The following LRP2 variants were observed in gnomAD, a reference collection of about 807,000 sequenced individuals.
LRP2 encodes LDL receptor related protein 2, also known as low-density lipoprotein receptor-related protein 2.
Under a neutral mutation model 531.0 loss-of-function variants are expected in LRP2, and 172 were observed. The observed-to-expected ratio is 0.32, with a 90% CI of 0.29 to 0.37. The LOEUF (loss-of-function observed/expected upper bound fraction) is 0.37. Among genes scored for constraint, LRP2 ranks in the 10% least tolerant of loss-of-function variants. The pLI is 1.00. For missense variants in LRP2, 5,167 were observed against 5,868.3 expected, an observed-to-expected ratio of 0.88 and a Z score of 3.90; for synonymous variants, 1,992 against 2,027.6, an observed-to-expected ratio of 0.98 and a Z score of 0.47.
At chr2:169,193,346 G>A (rs1316141742) in intron 47 of LRP2, among the ~76,000 whole-genome samples, 1 of 150,458 alleles carries the variant, frequency 6.6e-6, no homozygotes, top group African/African-American at 2.5e-5. Flanking sequence ...TGGGAGGATC[G>A]CTTGAGCCTG....
chr2:169,188,388 C>A, intron 48 of LRP2, 123 bp from the exon 49 acceptor site: 1 of 891,302 alleles, frequency 1.1e-6, no homozygotes, highest in Non-Finnish European at 1.8e-6. Context: ...TCGACAAGAT[C>A]ACCAGTGTCC....
At chr2:169,243,150 G>A (rs1251183352) in intron 23 of LRP2, 78 bp from the exon 24 acceptor site, 3 of 1,226,266 alleles carry the variant, frequency 2.4e-6, no homozygotes, top group African/African-American at 3.0e-5. Flanking sequence ...CTTTTTTGTT[G>A]TTATACTTTA....
At chr2:169,229,320 T>C (rs1689315683) in intron 31 of LRP2, among the ~76,000 whole-genome samples, 2 of 152,298 alleles carry the variant, frequency 1.3e-5, no homozygotes, top group Middle Eastern at 6.8e-3. Flanking sequence ...GAAGACACTA[T>C]AGTCAGGAAT....
At chr2:169,156,927 A>C (rs1686352761) in intron 64 of LRP2, among the ~76,000 whole-genome samples, 1 of 152,198 alleles carries the variant, frequency 6.6e-6, no homozygotes, top group Non-Finnish European at 1.5e-5. Flanking sequence ...CATGCTCATC[A>C]CTCACCATCT....
rs1465445341 is a variant in LRP2 at position 169,206,770 on chromosome 2, C to G, written c.6950G>C (p.Arg2317Thr). Residue 2317 changes from arginine (R) to threonine (T), a missense_variant, in exon 39 of 79, where the codon AGA (arginine) becomes ACA (threonine). Arg to Thr is a moderately conservative substitution (Grantham distance 71, BLOSUM62 -1). Transcript: ENST00000649046. The stretch of plus-strand genomic sequence containing the variant: ...ATCTCTTAGCCAGTTGATATTGTCT[C>G]TTATCACTGTGGGTGGCTCTGTGTT... ...PENTEPPTVI[R>T]DNINWLRDVT... The G allele has an allele frequency of 2.5e-6, 4 of 1,614,168 alleles. No homozygotes were observed. The highest frequency in any genetic ancestry group is 3.4e-6 in the Non-Finnish European group (4 of 1,180,012).
chr2:169,225,102 A>G (rs1689152680), intron 33 of LRP2, among the ~76,000 whole-genome samples: 1 of 151,970 alleles, frequency 6.6e-6, no homozygotes, highest in Non-Finnish European at 1.5e-5. Flanking sequence ...AAAAAAAATA[A>G]ATAAATAAAT....
Position 169,284,256 on chromosome 2 carries a change from C to CTCTTTTTTTTTT in LRP2, c.1043-1256_1043-1255insAAAAAAAAAAGA, listed in dbSNP as rs1553508684. ...CTTTTCTTTTCTTTTTCTTTTTTTT[C>CTCTTTTTTTTTT]TTTTTTTTTTTTTTTTTTTTTTTTT... On this transcript the variant is annotated intron_variant, in intron 9 of 78. Transcript: ENST00000649046. 4.6e-4 allele frequency among the ~76,000 whole-genome samples: 44 copies of CTCTTTTTTTTTT among 96,648 alleles called. 5 individuals are homozygous for CTCTTTTTTTTTT. Among genetic ancestry groups the CTCTTTTTTTTTT allele is most frequent in the African/African-American group, 5.3e-4 (12 of 22,710 alleles). The allele number at this position is 96,648 out of a possible 152,430, so 63.4% of individuals were successfully genotyped here.
At chr2:169,178,615 G>T (rs963020909) in intron 52 of LRP2, among the ~76,000 whole-genome samples, 2 of 152,122 alleles carry the variant, frequency 1.3e-5, no homozygotes, top group Admixed American at 6.5e-5. Context: ...CACCATTAGC[G>T]AATACTTTTA....
chr2:169,229,768 G>A (rs892089726), intron 31 of LRP2, among the ~76,000 whole-genome samples: 10 of 152,132 alleles, frequency 6.6e-5, no homozygotes, highest in Non-Finnish European at 1.5e-4. Context: ...TTTAATGCAT[G>A]TTTTTACAAG....
intron 4 of LRP2, among the ~76,000 whole-genome samples, chr2:169,299,123 G>T (rs4000804): frequency 1.1e-5 from 1 of 88,016 alleles, no homozygotes; most frequent in African/African-American, 4.4e-5. Flanking sequence ...AAGAAAGAAA[G>T]AAAGAAAGAA....
chr2:169,177,843 T>C lies in LRP2; in HGVS notation c.10353A>G (p.Pro3451=). 2.5e-6 allele frequency: 4 copies of C among 1,614,224 alleles called. No homozygotes were observed. The highest frequency in any genetic ancestry group is 2.5e-6 in the Non-Finnish European group (3 of 1,180,034). ...RQTLVNTTHR[P]FDIHVYHPYR... Reference sequence around the variant, plus strand: ...ATGGATGGTACACATGGATGTCAAATGGTCTGTGTGTTGTGTTCACCAGTG... The same window carrying C: ...ATGGATGGTACACATGGATGTCAAACGGTCTGTGTGTTGTGTTCACCAGTG... Residue 3451 remains proline (P), a synonymous_variant, in exon 53 of 79, where the codon CCA becomes CCG. Transcript: ENST00000649046.
chr2:169,193,383 A>G (rs1266204332), intron 47 of LRP2, among the ~76,000 whole-genome samples: 1 of 150,396 alleles, frequency 6.6e-6, no homozygotes, highest in African/African-American at 2.5e-5. Flanking sequence ...CTGAGCCATG[A>G]TACCGCCACT....
intron 19 of LRP2, among the ~76,000 whole-genome samples, chr2:169,255,629 GTCAT>G (rs945857962): frequency 1.3e-5 from 2 of 152,138 alleles, no homozygotes; most frequent in African/African-American, 4.8e-5. Flanking sequence ...AAGTTTCAAA[GTCAT>G]TCAGTCAGCA....
chr2:169,234,628 G>A (rs761598471), intron 29 of LRP2, among the ~76,000 whole-genome samples: 3 of 152,038 alleles, frequency 2.0e-5, no homozygotes, highest in Non-Finnish European at 2.9e-5. Context: ...ATATTCCTTT[G>A]GGTATATACC....
intron 1 of LRP2, among the ~76,000 whole-genome samples, chr2:169,361,376 C>CTGT (rs1559092846): frequency 1.7e-5 from 1 of 59,650 alleles, no homozygotes; most frequent in Non-Finnish European, 3.0e-5. Flanking sequence ...CTCTCTCTCT[C>CTGT]CCTCTCTCTC....
At chr2:169,194,341 T>G (rs997931197) in intron 46 of LRP2, among the ~76,000 whole-genome samples, 2 of 152,190 alleles carry the variant, frequency 1.3e-5, no homozygotes, top group African/African-American at 4.8e-5. Flanking sequence ...TTCAACATAC[T>G]AGACAATTTA....
At chr2:169,226,664 C>A in intron 31 of LRP2, 76 bp from the exon 32 acceptor site, 1 of 1,076,012 alleles carries the variant, frequency 9.3e-7, no homozygotes, top group South Asian at 1.3e-5. Flanking sequence ...AAGGCAATAG[C>A]CTGTTACCAT....
chr2:169,262,046 C>T (rs374475128), intron 16 of LRP2, among the ~76,000 whole-genome samples: 1 of 151,912 alleles, frequency 6.6e-6, no homozygotes, highest in Admixed American at 6.6e-5. Context: ...AGTCAACAAC[C>T]CTTCATGCTA....
At chr2:169,212,812 G>T (rs1335540553) in intron 36 of LRP2, among the ~76,000 whole-genome samples, 1 of 151,820 alleles carries the variant, frequency 6.6e-6, no homozygotes, top group Admixed American at 6.6e-5. Flanking sequence ...TACAAATAGG[G>T]TGCAGTGTAT....
Sources: gnomAD v4.1 joint callset for allele counts (sites outside exome capture counted in the v4.1 genomes callset) on GRCh38, gnomAD v4.1.1 for gene constraint, MANE v1.5 for transcripts, NCBI Gene and HGNC (gene_info 2026-07-23, HGNC 2026-07-21) for gene names.